CYP7B1: variants seen among roughly 807,000 people sequenced by gnomAD.
CYP7B1 encodes the protein cytochrome P450 family 7 subfamily B member 1, also known as cytochrome P450 7B1.
CYP7B1 carries 29 observed loss-of-function variants against 42.7 expected under a neutral mutation model. The ratio of observed to expected loss-of-function variants is 0.68; its 90% CI spans 0.51 to 0.93. The LOEUF is 0.93. CYP7B1 is among the 40% of genes least tolerant of loss of function. The pLI is 0.00. For synonymous variants in CYP7B1, 235 were observed against 218.2 expected (o/e 1.08, Z -0.68); for missense variants, 655 against 600.5 (o/e 1.09, Z -0.95).
At chr8:64,668,304 C>G (rs16931360) in intron 1 of CYP7B1, among the ~76,000 whole-genome samples, 11,378 of 152,086 alleles carry the variant, frequency 0.075, 491 homozygotes, top group South Asian at 0.16. Context: ...CAAAAATAAG[C>G]CTTGGGGAGA....
chr8:64,638,129 A>AT (rs552609430), intron 1 of CYP7B1, among the ~76,000 whole-genome samples: 48 of 148,842 alleles, frequency 3.2e-4, no homozygotes, highest in Admixed American at 5.4e-4. Flanking sequence ...GTTTCTTGGG[A>AT]TTTTTTTTTT....
At chr8:64,624,625 A>T in intron 1 of CYP7B1, 86 bp from the exon 2 acceptor site, 1 of 1,477,710 alleles carries the variant, frequency 6.8e-7, no homozygotes, top group East Asian at 2.3e-5. Context: ...TACTGAATCT[A>T]GAAGGTGACT....
intron 4 of CYP7B1, among the ~76,000 whole-genome samples, chr8:64,605,132 G>T (rs550587138): frequency 6.6e-6 from 1 of 152,206 alleles, no homozygotes; most frequent in East Asian, 1.9e-4. Context: ...TGTAGGAGAG[G>T]GTGATCTGCT....
Position 64,607,022 on chromosome 8 carries a change from C to A in CYP7B1, c.1058-2165G>T, listed in dbSNP as rs8192902. 1.1e-4 allele frequency among the ~76,000 whole-genome samples: 16 copies of A among 152,324 alleles called. No individual in the cohort carries two copies. The East Asian group carries it at 3.1e-3, about 29-fold the overall frequency. On this transcript the variant is annotated intron_variant, in intron 4 of 5. Transcript: ENST00000310193. ...CCAGCCAGTGCCACTGACAGACCAG[C>A]TGGGCCCTGGGAGGACTTCCATGCT... is the stretch of plus-strand genomic sequence containing the variant.
intron 1 of CYP7B1, among the ~76,000 whole-genome samples, chr8:64,797,614 C>G (rs1483190452): frequency 6.6e-6 from 1 of 152,160 alleles, no homozygotes; most frequent in African/African-American, 2.4e-5. Flanking sequence ...TCCCCCAAAA[C>G]TATTGAGAAA....
At chr8:64,598,919 C>A (rs1278463861) in intron 5 of CYP7B1, among the ~76,000 whole-genome samples, 1 of 152,226 alleles carries the variant, frequency 6.6e-6, no homozygotes, top group Non-Finnish European at 1.5e-5. Flanking sequence ...GGTGCAGGAG[C>A]ATAAATATAT....
At chr8:64,639,052 G>T (rs901818023) in intron 1 of CYP7B1, among the ~76,000 whole-genome samples, 1 of 151,796 alleles carries the variant, frequency 6.6e-6, no homozygotes, top group African/African-American at 2.4e-5. Context: ...TCTCTCCTCA[G>T]AAATAGCTGG....
At chr8:64,751,488 A>AT (rs765527130) in intron 1 of CYP7B1, among the ~76,000 whole-genome samples, 19 of 152,160 alleles carry the variant, frequency 1.2e-4, no homozygotes, top group Non-Finnish European at 1.9e-4. Context: ...TTGCTATTTA[A>AT]TTTATTTTTA....
intron 1 of CYP7B1, among the ~76,000 whole-genome samples, chr8:64,781,492 C>A (rs189431728): frequency 1.3e-5 from 2 of 152,210 alleles, no homozygotes; most frequent in African/African-American, 4.8e-5. Flanking sequence ...AAATCTGTTT[C>A]TTTGCCTTTT....
rs944717482 is a variant in CYP7B1, at chr8:64,789,258, G to T, written c.122+9208C>A. Reference sequence around the variant, plus strand: ...CTCAGTTTTTTTTTAAGCCTAAACTGCTCTAAGAAAAAAAGTTTATTTTAA... The same window carrying T: ...CTCAGTTTTTTTTTAAGCCTAAACTTCTCTAAGAAAAAAAGTTTATTTTAA... On this transcript the variant is annotated intron_variant, in intron 1 of 5. Transcript: ENST00000310193. 2.6e-5 allele frequency among the ~76,000 whole-genome samples: 4 copies of T among 152,034 alleles called. No individual in the cohort carries two copies. In the East Asian group the frequency reaches 7.7e-4, roughly 29 times the overall value.
At chr8:64,712,998 T>C (rs1350057794) in intron 1 of CYP7B1, among the ~76,000 whole-genome samples, 2 of 152,176 alleles carry the variant, frequency 1.3e-5, no homozygotes, top group Non-Finnish European at 2.9e-5. Context: ...ACCTAAATGA[T>C]CTTCTCTCTT....
At chr8:64,705,018 A>G (rs1201465563) in intron 1 of CYP7B1, among the ~76,000 whole-genome samples, 1 of 152,008 alleles carries the variant, frequency 6.6e-6, no homozygotes, top group Non-Finnish European at 1.5e-5. Flanking sequence ...CCATTTACTG[A>G]TAATTCTCAA....
At chr8:64,729,653 C>T (rs896029844) in intron 1 of CYP7B1, among the ~76,000 whole-genome samples, 1 of 152,162 alleles carries the variant, frequency 6.6e-6, no homozygotes, top group Non-Finnish European at 1.5e-5. Flanking sequence ...TCATAAAAAT[C>T]TTAACCAAGA....
chr8:64,624,630 G>A, intron 1 of CYP7B1, 91 bp from the exon 2 acceptor site: 3 of 1,429,226 alleles, frequency 2.1e-6, no homozygotes, highest in Non-Finnish European at 2.9e-6. Context: ...AATCTAGAAG[G>A]TGACTGCATG....
intron 2 of CYP7B1, among the ~76,000 whole-genome samples, chr8:64,617,001 C>T (rs977181811): frequency 6.6e-6 from 1 of 152,130 alleles, no homozygotes; most frequent in Non-Finnish European, 1.5e-5. Flanking sequence ...GGATCCCTTT[C>T]TTTTTGAGAT....
At chr8:64,725,502 T>G (rs1331039394) in intron 1 of CYP7B1, among the ~76,000 whole-genome samples, 1 of 152,180 alleles carries the variant, frequency 6.6e-6, no homozygotes, top group East Asian at 1.9e-4. Flanking sequence ...CTCAATACAT[T>G]GTGATTCTTA....
At chr8:64,778,264 T>C (rs750613315) in intron 1 of CYP7B1, among the ~76,000 whole-genome samples, 10 of 150,620 alleles carry the variant, frequency 6.6e-5, no homozygotes, top group African/African-American at 9.7e-5. Context: ...ATATACTACA[T>C]ATACACACAT....
intron 1 of CYP7B1, among the ~76,000 whole-genome samples, chr8:64,645,075 A>G (rs1488567708): frequency 6.6e-6 from 1 of 151,580 alleles, no homozygotes; most frequent in Non-Finnish European, 1.5e-5. Context: ...CCATGTCCCT[A>G]CAAAGGACAT....
chr8:64,695,180 C>T (rs1806805338), intron 1 of CYP7B1, among the ~76,000 whole-genome samples: 1 of 152,178 alleles, frequency 6.6e-6, no homozygotes, highest in African/African-American at 2.4e-5. Flanking sequence ...GTGGTTTCAG[C>T]TCAGTTCCTC....
Sources: allele counts gnomAD v4.1 joint callset (sites outside exome capture counted in the v4.1 genomes callset), GRCh38; gene constraint gnomAD v4.1.1; transcripts MANE v1.5; gene names NCBI Gene and HGNC (gene_info 2026-07-23, HGNC 2026-07-21).